The following PI4K2A variants were observed in gnomAD, a reference collection of about 807,000 sequenced individuals.
PI4K2A encodes phosphatidylinositol 4-kinase type 2-alpha.
A neutral mutation model predicts 55.0 loss-of-function variants in PI4K2A; 20 were observed. The ratio of observed to expected loss-of-function variants is 0.36; its 90% CI spans 0.26 to 0.53. PI4K2A has a LOEUF of 0.53. Among genes scored for constraint, PI4K2A ranks in the 20% least tolerant of loss-of-function variants. PI4K2A has a pLI of 0.91. For synonymous variants in PI4K2A, 235 were observed against 258.5 expected, an observed-to-expected ratio of 0.91 and a Z score of 0.87; for missense variants, 463 against 637.1, an observed-to-expected ratio of 0.73 and a Z score of 2.94.
chr10:97,674,056 T>C (rs1046146189), exon 9 of PI4K2A: 3 of 291,698 alleles, frequency 1.0e-5, no homozygotes, highest in African/African-American at 6.4e-5. Flanking sequence ...GAAACCCTGC[T>C]CTATTGCAAT....
chr10:97,656,496 A>T lies in PI4K2A; in HGVS notation c.768+80A>T. 7.3e-7 allele frequency: 1 copy of T among 1,371,294 alleles called. No homozygotes were observed. Among genetic ancestry groups the T allele is most frequent in the East Asian group, 2.3e-5 (1 of 43,344 alleles). The allele number at this position is 1,371,294 out of a possible 1,614,324, so 84.9% of individuals were successfully genotyped here. A position where few individuals can be genotyped will look rare whatever the true frequency, so the allele number is the denominator to read the frequency against. ...CCAAGTGGTGAAGCAAGGTGCCTAC[A>T]ACTCAAATATGGGCACGTGAATAAC... On this transcript the variant is annotated intron_variant, in intron 3 of 8. Coordinates refer to ENST00000370631, the Ensembl canonical transcript of PI4K2A. This position sits in a 1 kb window ranked among gnomAD's most constrained non-coding sequence, Gnocchi z 4.5.
chr10:97,668,196 G>C (rs2041618866), intron 8 of PI4K2A, among the ~76,000 whole-genome samples: 4 of 152,202 alleles, frequency 2.6e-5, no homozygotes, highest in Admixed American at 2.0e-4. Context: ...TTTGAAGCCT[G>C]GCTCTGCCAT....
exon 1 of PI4K2A, chr10:97,640,742 G>C (rs754852185): frequency 1.3e-6 from 2 of 1,501,536 alleles, no homozygotes; most frequent in East Asian, 2.7e-5. Flanking sequence ...CTGTCTGAGG[G>C]ATGGACGAGA....
intron 4 of PI4K2A, among the ~76,000 whole-genome samples, chr10:97,662,563 T>G (rs1187879749): frequency 6.6e-6 from 1 of 152,176 alleles, no homozygotes; most frequent in Non-Finnish European, 1.5e-5. Flanking sequence ...TGGATTATAG[T>G]TTTTGTCTCT....
chr10:97,641,143 C>T, exon 1 of PI4K2A: 1 of 1,606,914 alleles, frequency 6.2e-7, no homozygotes, highest in Non-Finnish European at 8.5e-7. Flanking sequence ...TACCAGGGCT[C>T]CAGCGGAAGC....
intron 6 of PI4K2A, 68 bp downstream of exon 6, chr10:97,665,052 G>A: frequency 1.1e-6 from 1 of 908,960 alleles, no homozygotes; most frequent in East Asian, 2.5e-5. Context: ...GTGCAGTGGA[G>A]ATGATAATGT....
intron 5 of PI4K2A, among the ~76,000 whole-genome samples, 157 bp downstream of exon 5, chr10:97,663,125 A>G (rs1203149395): frequency 1.3e-5 from 2 of 152,252 alleles, no homozygotes; most frequent in East Asian, 1.9e-4. Flanking sequence ...GTTTTTCTCA[A>G]TATGTGTTTC....
At chr10:97,648,092 A>ATT (rs11332690) in intron 1 of PI4K2A, among the ~76,000 whole-genome samples, 5 of 120,642 alleles carry the variant, frequency 4.1e-5, no homozygotes, top group African/African-American at 6.6e-5. Flanking sequence ...CACTTAGCTA[A>ATT]TTTTTTTTTT....
At chr10:97,661,212 C>T (rs946444515) in intron 4 of PI4K2A, among the ~76,000 whole-genome samples, 5 of 151,820 alleles carry the variant, frequency 3.3e-5, no homozygotes, top group East Asian at 1.9e-4. Context: ...AGGATGGTCT[C>T]GATCTCCTGA....
intron 1 of PI4K2A, among the ~76,000 whole-genome samples, chr10:97,642,320 T>A (rs2041473820): frequency 6.6e-6 from 1 of 152,144 alleles, no homozygotes; most frequent in Admixed American, 6.5e-5. Flanking sequence ...AATTCTGCCA[T>A]GAACTCAGTT....
chr10:97,642,854 T>C (rs866603936), intron 1 of PI4K2A, among the ~76,000 whole-genome samples: 2,826 of 13,762 alleles, frequency 0.21, 272 homozygotes, highest in South Asian at 0.28. Flanking sequence ...TTCCTTCCTT[T>C]CTTTCTTTCT....
chr10:97,667,108 C>T (rs1468826671), exon 8 of PI4K2A: 9 of 1,612,850 alleles, frequency 5.6e-6, no homozygotes, highest in Non-Finnish European at 7.6e-6. Flanking sequence ...AGATTGCTGT[C>T]ATGCGGGGCC....
chr10:97,645,826 A>G (rs1324645060), intron 1 of PI4K2A, among the ~76,000 whole-genome samples: 1 of 151,744 alleles, frequency 6.6e-6, no homozygotes, highest in Non-Finnish European at 1.5e-5. Context: ...TTGGGATTAC[A>G]GGTGTGAGCC....
Position 97,641,185 on chromosome 10 carries a change from C to CG in PI4K2A, c.435+13dup. ...GTCAAGGACCCTCAGGGGGTGAGTG[C>CG]GGGGGTGGGGACCGCCGCCGCGGGC... is the stretch of plus-strand genomic sequence containing the variant. On this transcript the variant is annotated intron_variant, in intron 1 of 8. Coordinates refer to ENST00000370631, the Ensembl canonical transcript of PI4K2A. 6.3e-7 allele frequency: 1 copy of CG among 1,591,782 alleles called. No individual in the cohort carries two copies. Among genetic ancestry groups the CG allele is most frequent in the Non-Finnish European group, 8.5e-7 (1 of 1,173,102 alleles).
At chr10:97,660,025 G>A (rs186330903) in intron 4 of PI4K2A, among the ~76,000 whole-genome samples, 2,014 of 135,374 alleles carry the variant, frequency 0.015, 38 homozygotes, top group African/African-American at 0.051. Flanking sequence ...TTTTTGAGAC[G>A]GAGTCTCGCT....
chr10:97,649,704 A>G (rs1589932744), intron 1 of PI4K2A, among the ~76,000 whole-genome samples: 2 of 138,812 alleles, frequency 1.4e-5, no homozygotes, highest in South Asian at 4.6e-4. Context: ...GCTCACTGCA[A>G]CCTCCGCCTC....
intron 4 of PI4K2A, among the ~76,000 whole-genome samples, chr10:97,660,858 AACCCCATGTACTTGTT>A (rs1430375919): frequency 2.6e-5 from 4 of 151,940 alleles, no homozygotes; most frequent in African/African-American, 4.8e-5. Context: ...TGGTATAATA[AACCCCATGTACTTGTT>A]ACCACCTTCA....
Position 97,652,259 on chromosome 10 carries a change from A to G in PI4K2A, c.636+1118A>G, listed in dbSNP as rs142632752. ...TCTATCTGTTGACACCCCAGGGAGCATGTCTCTAGATTAAAATCCCTCTGC... is the reference window on the plus strand; with the variant it reads ...TCTATCTGTTGACACCCCAGGGAGCGTGTCTCTAGATTAAAATCCCTCTGC... On this transcript the variant is annotated intron_variant, in intron 2 of 8. Transcript: ENST00000370631. Among the ~76,000 whole-genome samples the G allele has an allele frequency of 1.0e-3, 156 of 152,174 alleles. 1 individual carries two copies. In the East Asian group the frequency reaches 0.018, roughly 18 times the overall value.
At chr10:97,665,673 ACCT>A (rs1352772564) in intron 6 of PI4K2A, among the ~76,000 whole-genome samples, 2 of 150,168 alleles carry the variant, frequency 1.3e-5, no homozygotes, top group Non-Finnish European at 3.0e-5. Flanking sequence ...GCTCACTGCA[ACCT>A]CCTCCTCCTG....
Sources: allele counts gnomAD v4.1 joint callset (sites outside exome capture counted in the v4.1 genomes callset), GRCh38; gene constraint gnomAD v4.1.1; non-coding constraint Gnocchi (gnomAD v3.1); transcripts MANE v1.5; gene names NCBI Gene and HGNC (gene_info 2026-07-23, HGNC 2026-07-21).